CDH18: variants seen among roughly 807,000 people sequenced by gnomAD.
The protein encoded by CDH18 is cadherin-18.
CDH18 carries 31 observed loss-of-function variants against 67.9 expected under a neutral mutation model. The ratio of observed to expected loss-of-function variants is 0.46; its 90% CI spans 0.34 to 0.62. The LOEUF (loss-of-function observed/expected upper bound fraction) is 0.62, where lower values mean the gene tolerates loss of function less well. Among genes scored for constraint, CDH18 ranks in the 20% least tolerant of loss-of-function variants. CDH18 has a pLI of 0.01. For synonymous variants in CDH18, 362 were observed against 347.2 expected, an observed-to-expected ratio of 1.04 and a Z score of -0.48; for missense variants, 890 against 975.5, an observed-to-expected ratio of 0.91 and a Z score of 1.17.
chr5:20,345,504 T>C (rs1740627557), intron 1 of CDH18, among the ~76,000 whole-genome samples: 1 of 152,126 alleles, frequency 6.6e-6, no homozygotes, highest in Non-Finnish European at 1.5e-5. Context: ...TCTGTAGCTC[T>C]TTTTTATTAT....
Position 20,304,247 on chromosome 5 carries a change from C to A in CDH18, c.-579-48742G>T, listed in dbSNP as rs1736212232. ...AATCAGAGCATTCAGCAATATGTTG[C>A]CTAAATTGGTGTCTGCCCGCACCAA... On this transcript the variant is annotated intron_variant, in intron 1 of 14. Coordinates refer to the CDH18 transcript ENST00000507958. 3 of 1,578,948 alleles carry A rather than the reference C, an allele frequency of 1.9e-6. No homozygotes were observed. The East Asian group carries it at 6.7e-5, about 35-fold the overall frequency.
intron 2 of CDH18, among the ~76,000 whole-genome samples, chr5:19,884,225 A>C (rs777443170): frequency 1.2e-4 from 18 of 152,140 alleles, no homozygotes; most frequent in African/African-American, 1.9e-4. Context: ...CGCCTACTTC[A>C]GCTCATTTCT....
rs147161100 is a variant in CDH18, at chr5:20,497,696, G to A, written c.-580+77766C>T. Among the ~76,000 whole-genome samples, 315 of 152,212 alleles carry A rather than the reference G, an allele frequency of 2.1e-3. 1 individual carries two copies. Among genetic ancestry groups the A allele is most frequent in the African/African-American group, 7.1e-3 (293 of 41,556 alleles). On this transcript the variant is annotated intron_variant, in intron 1 of 14. Transcript: ENST00000507958. ...TTTTCACCCATGCTTACCCATGAAA[G>A]TAGATATTTTAAGAAATAATGCATG... is the stretch of plus-strand genomic sequence containing the variant.
intron 1 of CDH18, among the ~76,000 whole-genome samples, chr5:20,487,076 A>G (rs1753243736): frequency 6.6e-6 from 1 of 152,172 alleles, no homozygotes; most frequent in African/African-American, 2.4e-5. Flanking sequence ...CTGTGGCAGC[A>G]GCAGCACTGG....
At chr5:20,283,428 C>T (rs1746442502) in intron 1 of CDH18, among the ~76,000 whole-genome samples, 1 of 151,662 alleles carries the variant, frequency 6.6e-6, no homozygotes, top group Non-Finnish European at 1.5e-5. Flanking sequence ...TCTGATTAAT[C>T]AATGGGCAAA....
intron 2 of CDH18, among the ~76,000 whole-genome samples, chr5:19,979,070 C>G (rs1798772713): frequency 6.6e-6 from 1 of 152,098 alleles, no homozygotes; most frequent in Admixed American, 6.6e-5. Context: ...GTTTCAGAAG[C>G]TACTTCACTT....
intron 5 of CDH18, among the ~76,000 whole-genome samples, chr5:19,650,066 C>A (rs1755356375): frequency 6.6e-6 from 1 of 151,820 alleles, no homozygotes; most frequent in South Asian, 2.1e-4. Context: ...AACTCCATTG[C>A]CATATATAAC....
intron 2 of CDH18, among the ~76,000 whole-genome samples, chr5:20,197,257 C>T (rs955472651): frequency 1.3e-5 from 2 of 152,156 alleles, no homozygotes; most frequent in Non-Finnish European, 2.9e-5. Context: ...GGCAATCTGC[C>T]TGCCTTGGCC....
chr5:20,242,636 A>ATATATGTATG (rs1743058952), intron 2 of CDH18, among the ~76,000 whole-genome samples: 1 of 58,402 alleles, frequency 1.7e-5, no homozygotes, highest in Non-Finnish European at 2.9e-5. Flanking sequence ...ATATATATGT[A>ATATATGTATG]TATATATATA....
At chr5:19,709,798 G>T (rs4438882) in intron 5 of CDH18, among the ~76,000 whole-genome samples, 52,330 of 151,982 alleles carry the variant, frequency 0.34, 9,337 homozygotes, top group African/African-American at 0.45. Context: ...AAAAGAAAAT[G>T]AAATTGAGAT....
chr5:20,032,093 C>T (rs1406475117), intron 2 of CDH18, among the ~76,000 whole-genome samples: 2 of 151,946 alleles, frequency 1.3e-5, no homozygotes, highest in East Asian at 3.9e-4. Flanking sequence ...TTCTAGAAGG[C>T]TATTTCTTCT....
chr5:19,968,243 T>C (rs937120726), intron 2 of CDH18, among the ~76,000 whole-genome samples: 3 of 151,852 alleles, frequency 2.0e-5, no homozygotes, highest in Non-Finnish European at 4.4e-5. Context: ...GAAGAATCAA[T>C]ATCGTGAAAA....
intron 2 of CDH18, among the ~76,000 whole-genome samples, chr5:19,886,470 C>A (rs1788215898): frequency 6.6e-6 from 1 of 152,056 alleles, no homozygotes; most frequent in Non-Finnish European, 1.5e-5. Context: ...AAGAAGCAAC[C>A]CTAAATTCTG....
At chr5:19,875,423 G>GATAC (rs1786845037) in intron 2 of CDH18, among the ~76,000 whole-genome samples, 1 of 149,682 alleles carries the variant, frequency 6.7e-6, no homozygotes, top group Non-Finnish European at 1.5e-5. Flanking sequence ...TAGATAGATA[G>GATAC]ATAGATAGAT....
intron 1 of CDH18, among the ~76,000 whole-genome samples, chr5:20,450,539 C>G (rs988021789): frequency 1.3e-5 from 2 of 151,734 alleles, no homozygotes; most frequent in Admixed American, 6.6e-5. Flanking sequence ...AAAAGAAAAC[C>G]AAATAACTCA....
At chr5:20,258,535 A>G (rs141622206) in intron 1 of CDH18, among the ~76,000 whole-genome samples, 1 of 152,334 alleles carries the variant, frequency 6.6e-6, no homozygotes, top group East Asian at 1.9e-4. Context: ...TTAACCTTAA[A>G]TAAGTATTTC....
rs369967608 is a variant in CDH18 at position 20,241,905 on chromosome 5, T to TATATATATATATATATATATATATATAA, written c.-518+13538_-518+13539insTTATATATATATATATATATATATATAT. On this transcript the variant is annotated intron_variant, in intron 2 of 14. Transcript: ENST00000507958. ...ATATATATATATGTATATATATATA[T>TATATATATATATATATATATATATATAA]ATATTGCTTAGTCAGAGGCACTGTG... Among the ~76,000 whole-genome samples the TATATATATATATATATATATATATATAA allele has an allele frequency of 5.7e-4, 81 of 141,380 alleles. 1 individual carries two copies. Among genetic ancestry groups the TATATATATATATATATATATATATATAA allele is most frequent in the African/African-American group, 2.2e-3 (80 of 35,880 alleles). The allele number at this position is 141,380 out of a possible 152,430, so 92.8% of individuals were successfully genotyped here.
At chr5:19,645,436 G>C (rs576224626) in intron 5 of CDH18, among the ~76,000 whole-genome samples, 2 of 152,140 alleles carry the variant, frequency 1.3e-5, no homozygotes, top group African/African-American at 2.4e-5. Flanking sequence ...GTAAAGTAAC[G>C]GGAGAGCAGA....
chr5:19,900,505 C>T (rs951699940), intron 2 of CDH18, among the ~76,000 whole-genome samples: 3 of 151,996 alleles, frequency 2.0e-5, no homozygotes, highest in Admixed American at 6.6e-5. Flanking sequence ...ATGTATCAAA[C>T]GATAATTTGA....
Sources: gnomAD v4.1 joint callset for allele counts (sites outside exome capture counted in the v4.1 genomes callset) on GRCh38, gnomAD v4.1.1 for gene constraint, MANE v1.5 for transcripts, NCBI Gene and HGNC (gene_info 2026-07-23, HGNC 2026-07-21) for gene names.